IPO11: variants seen among roughly 807,000 people sequenced by gnomAD.
IPO11 encodes importin 11, also known as importin-11.
IPO11 carries 66 observed loss-of-function variants against 143.2 expected under a neutral mutation model. The observed-to-expected ratio is 0.46, with a 90% CI of 0.38 to 0.57. IPO11 has a LOEUF of 0.57. IPO11 is among the 20% of genes least tolerant of loss of function. IPO11 has a pLI of 0.00. For missense variants in IPO11, 1,026 were observed against 1,141.0 expected (o/e 0.90, Z 1.45); for synonymous variants, 385 against 377.8 (o/e 1.02, Z -0.22).
chr5:62,627,232 C>G lies in IPO11; in HGVS notation c.2842C>G (p.Leu948Val), dbSNP rs754227480. 59 of 1,613,972 alleles carry G rather than the reference C, an allele frequency of 3.7e-5. No individual in the cohort carries two copies. The highest frequency in any genetic ancestry group is 4.2e-5 in the Non-Finnish European group (49 of 1,179,978). ...YEKLKAQQEM[L>V]GEQGFQSLME... is the part of the protein sequence containing the mutation. ...GAAGCTCAAGGCACAGCAGGAGATG[C>G]TAGGAGAACAAGGTTTCCAGTCCCT... The change falls in exon 30 of 30, where the codon CTA becomes GTA. Residue 948 changes from leucine to valine, a missense_variant. Physicochemically the swap from Leu to Val is conservative, Grantham distance 32. Coordinates refer to ENST00000325324, the MANE Select transcript of IPO11 (RefSeq NM_016338.5).
At position 62,615,840 on chromosome 5, in the gene IPO11, C is replaced by A. The variant is rs1431985498; in HGVS notation, c.2764-11314C>A. On this transcript the variant is annotated intron_variant, in intron 29 of 29. Coordinates refer to ENST00000325324, the MANE Select transcript of IPO11 (RefSeq NM_016338.5). The stretch of plus-strand genomic sequence containing the variant: ...CTTATCCTATCTCAGGTTTATTGGG[C>A]CCCTTTTGATTGGTTACTGTGAATC... 3.9e-5 allele frequency among the ~76,000 whole-genome samples: 6 copies of A among 152,046 alleles called. No homozygotes were observed. In the East Asian group the frequency reaches 1.2e-3, roughly 29 times the overall value.
chr5:62,487,829 C>T lies in IPO11; in HGVS notation c.1277C>T (p.Pro426Leu), dbSNP rs752692502. The change falls in exon 13 of 30, where the codon CCT becomes CTT. Residue 426 changes from proline to leucine, a missense_variant. By Grantham distance (98) the Pro-to-Leu change is moderately conservative. Transcript: ENST00000325324. Reference protein sequence around the residue: ...IFHEYNQTLTPVLLEMMQTLQ... With the variant: ...IFHEYNQTLTLVLLEMMQTLQ... ...CATGAATATAATCAGACTCTTACTC[C>T]TGTACTTCTAGAAATGATGCAAACA... The T allele has an allele frequency of 6.2e-7, 1 of 1,610,008 alleles. No homozygotes were observed. Among genetic ancestry groups the T allele is most frequent in the South Asian group, 1.1e-5 (1 of 89,984 alleles).
intron 1 of IPO11, among the ~76,000 whole-genome samples, chr5:62,413,843 A>G (rs1470942165): frequency 6.6e-6 from 1 of 152,202 alleles, no homozygotes. Flanking sequence ...GGAGCTTCAG[A>G]TTAAGGGCAG....
chr5:62,557,154 A>G (rs942494598), intron 26 of IPO11, among the ~76,000 whole-genome samples: 1 of 151,800 alleles, frequency 6.6e-6, no homozygotes, highest in East Asian at 1.9e-4. Flanking sequence ...CAGTGTCTCT[A>G]TATCCTTGAT....
intron 24 of IPO11, among the ~76,000 whole-genome samples, chr5:62,539,709 C>T (rs1742863219): frequency 6.6e-6 from 1 of 152,304 alleles, no homozygotes; most frequent in East Asian, 1.9e-4. Flanking sequence ...AGCTCCAAAG[C>T]TTACAAGTAA....
At chr5:62,442,924 A>G (rs2112144105) in intron 2 of IPO11, 59 bp from the exon 3 acceptor site, 1 of 939,542 alleles carries the variant, frequency 1.1e-6, no homozygotes, top group Non-Finnish European at 1.6e-6. Flanking sequence ...TTGTGGGTAC[A>G]TTAATTATAC....
At chr5:62,450,915 G>A (rs1744901571) in intron 4 of IPO11, among the ~76,000 whole-genome samples, 1 of 152,112 alleles carries the variant, frequency 6.6e-6, no homozygotes, top group Admixed American at 6.5e-5. Flanking sequence ...CAATTTGGCA[G>A]TATTTCTAAT....
At chr5:62,559,881 A>C (rs1224410669) in intron 26 of IPO11, among the ~76,000 whole-genome samples, 2 of 131,096 alleles carry the variant, frequency 1.5e-5, no homozygotes, top group Non-Finnish European at 3.1e-5. Flanking sequence ...ACGCCATTGC[A>C]CTTCAGCCTG....
At chr5:62,607,248 T>G (rs570839444) in intron 29 of IPO11, among the ~76,000 whole-genome samples, 1 of 152,354 alleles carries the variant, frequency 6.6e-6, no homozygotes, top group South Asian at 2.1e-4. Flanking sequence ...CTTGTTAGAA[T>G]TTAGAATACA....
intron 16 of IPO11, among the ~76,000 whole-genome samples, chr5:62,495,761 G>T (rs1741111481): frequency 6.6e-6 from 1 of 152,116 alleles, no homozygotes; most frequent in Non-Finnish European, 1.5e-5. Flanking sequence ...GTGAGCCACT[G>T]CACTGGGCCC....
At chr5:62,508,910 G>T (rs1741655101) in intron 19 of IPO11, among the ~76,000 whole-genome samples, 1 of 152,056 alleles carries the variant, frequency 6.6e-6, no homozygotes, top group Non-Finnish European at 1.5e-5. Context: ...TGATAGACTG[G>T]ATTAAGAAAA....
rs1379598633 is a variant in IPO11, at chr5:62,526,165, C to T, written c.1920C>T (p.Asn640=). ...AGGGATTAGGAGCAGACAGCAAGAACCTGTACCCTTTCCTGCTCCCAGTTA... is the reference window on the plus strand; with the variant it reads ...AGGGATTAGGAGCAGACAGCAAGAATCTGTACCCTTTCCTGCTCCCAGTTA... ...LVQGLGADSK[N]LYPFLLPVIQ... is the part of the protein sequence containing the mutation. The change falls in exon 21 of 30, where the codon AAC becomes AAT. Residue 640 remains asparagine (N), a synonymous_variant. Transcript: ENST00000325324. 1.9e-6 allele frequency: 3 copies of T among 1,612,604 alleles called. No individual in the cohort carries two copies. The highest frequency in any genetic ancestry group is 2.5e-6 in the Non-Finnish European group (3 of 1,178,820).
chr5:62,524,923 T>G (rs1337339369), intron 20 of IPO11, among the ~76,000 whole-genome samples: 1 of 152,204 alleles, frequency 6.6e-6, no homozygotes, highest in Non-Finnish European at 1.5e-5. Flanking sequence ...CATGAAATTA[T>G]AGATATTATT....
chr5:62,485,984 C>CTT (rs746289007), intron 12 of IPO11, among the ~76,000 whole-genome samples: 21 of 130,242 alleles, frequency 1.6e-4, no homozygotes, highest in Non-Finnish European at 2.3e-4. Context: ...TTTTCTTTTT[C>CTT]TTTTTTTTTT....
chr5:62,454,482 A>C (rs555484461), intron 5 of IPO11, among the ~76,000 whole-genome samples: 130 of 152,302 alleles, frequency 8.5e-4, no homozygotes, highest in African/African-American at 2.9e-3. Context: ...AACTTTATCA[A>C]AGTTCACTCT....
At chr5:62,509,235 G>C (rs1294150190) in intron 19 of IPO11, among the ~76,000 whole-genome samples, 2 of 152,142 alleles carry the variant, frequency 1.3e-5, no homozygotes, top group East Asian at 1.9e-4. Flanking sequence ...CATTTCTGAA[G>C]TGAAAGAACA....
chr5:62,604,891 A>T (rs1039738487), intron 29 of IPO11, among the ~76,000 whole-genome samples: 4 of 152,204 alleles, frequency 2.6e-5, no homozygotes, highest in African/African-American at 9.7e-5. Context: ...AACTTTAAAC[A>T]AAGAAAATTT....
At chr5:62,433,034 A>G (rs2112120179) in intron 1 of IPO11, among the ~76,000 whole-genome samples, 1 of 152,164 alleles carries the variant, frequency 6.6e-6, no homozygotes, top group Admixed American at 6.5e-5. Flanking sequence ...CTTTCATTTA[A>G]TGGTTTTAGC....
chr5:62,549,371 G>A (rs1225142574), intron 24 of IPO11, among the ~76,000 whole-genome samples: 1 of 152,088 alleles, frequency 6.6e-6, no homozygotes, highest in Non-Finnish European at 1.5e-5. Flanking sequence ...GAAATGCTTG[G>A]AAGTATTCTT....
Sources: gnomAD v4.1 joint callset for allele counts (sites outside exome capture counted in the v4.1 genomes callset) on GRCh38, gnomAD v4.1.1 for gene constraint, MANE v1.5 for transcripts, NCBI Gene and HGNC (gene_info 2026-07-23, HGNC 2026-07-21) for gene names.